NTNG1: variants seen among roughly 807,000 people sequenced by gnomAD.
NTNG1 encodes the protein netrin-G1.
Under a neutral mutation model 54.0 loss-of-function variants are expected in NTNG1, and 16 were observed. That is an observed-to-expected ratio of 0.30 (90% CI 0.20 to 0.45). The LOEUF (loss-of-function observed/expected upper bound fraction) is 0.45. Ranked by LOEUF, NTNG1 falls within the 20% of genes least tolerant of loss-of-function variation. The pLI, the probability that NTNG1 is intolerant of heterozygous loss-of-function variation, is 1.00. For synonymous variants in NTNG1, 255 were observed against 263.1 expected (o/e 0.97, Z 0.30); for missense variants, 530 against 678.7 (o/e 0.78, Z 2.43).
chr1:107,371,122 T>C (rs943931511), intron 3 of NTNG1, among the ~76,000 whole-genome samples: 1 of 152,092 alleles, frequency 6.6e-6, no homozygotes, highest in African/African-American at 2.4e-5. Context: ...TTTATCATTC[T>C]GAGGAAGTTT....
chr1:107,210,978 C>G (rs1659562104), intron 2 of NTNG1, among the ~76,000 whole-genome samples: 1 of 152,206 alleles, frequency 6.6e-6, no homozygotes, highest in Non-Finnish European at 1.5e-5. Context: ...TGCCTTCCTT[C>G]TCCATACTCT....
At chr1:107,209,831 C>T (rs1431208730) in intron 2 of NTNG1, among the ~76,000 whole-genome samples, 1 of 151,884 alleles carries the variant, frequency 6.6e-6, no homozygotes, top group African/African-American at 2.4e-5. Flanking sequence ...AACAGGTGTC[C>T]CTAGATCAGG....
intron 2 of NTNG1, among the ~76,000 whole-genome samples, chr1:107,176,140 AT>A (rs1377047153): frequency 6.6e-6 from 1 of 152,208 alleles, no homozygotes; most frequent in Non-Finnish European, 1.5e-5. Context: ...TGATTATAAA[AT>A]AAAGTTTTGT....
At chr1:107,380,186 ATCTC>A (rs2101029298) in intron 3 of NTNG1, among the ~76,000 whole-genome samples, 1 of 152,290 alleles carries the variant, frequency 6.6e-6, no homozygotes, top group East Asian at 1.9e-4. Context: ...ACCCTAATTA[ATCTC>A]TCTTTTTTTT....
In NTNG1 at chr1:107,369,498, A is replaced by G. The variant is rs529403271; in HGVS notation, c.888-25656A>G. 9.2e-5 allele frequency among the ~76,000 whole-genome samples: 14 copies of G among 152,176 alleles called. 1 individual carries two copies. In the East Asian group the frequency reaches 1.9e-3, roughly 21 times the overall value. ...TTTAATTGGCACTTTACTAATAACT[A>G]ATTGCATTGAACATCTTTCATTTGC... On this transcript the variant is annotated intron_variant, in intron 3 of 7. Coordinates refer to ENST00000370068, the MANE Select transcript of NTNG1 (RefSeq NM_001113226.3).
At chr1:107,170,526 G>A (rs886626148) in intron 2 of NTNG1, among the ~76,000 whole-genome samples, 5 of 151,972 alleles carry the variant, frequency 3.3e-5, no homozygotes, top group African/African-American at 1.2e-4. Flanking sequence ...GATGATACTG[G>A]TAAAAGAAAA....
chr1:107,293,633 C>G (rs1048583329), intron 2 of NTNG1, among the ~76,000 whole-genome samples: 1 of 152,156 alleles, frequency 6.6e-6, no homozygotes, highest in African/African-American at 2.4e-5. Flanking sequence ...TCTGCCTTCT[C>G]TAAGCTCTAA....
chr1:107,225,196 G>A (rs911874016), intron 2 of NTNG1, among the ~76,000 whole-genome samples: 2 of 152,080 alleles, frequency 1.3e-5, no homozygotes, highest in African/African-American at 4.8e-5. Flanking sequence ...AGAAGAATTA[G>A]CAATTTTCCT....
intron 2 of NTNG1, among the ~76,000 whole-genome samples, chr1:107,162,440 C>A (rs1196210953): frequency 6.6e-6 from 1 of 152,084 alleles, no homozygotes; most frequent in East Asian, 1.9e-4. Context: ...ATGGTAACCA[C>A]AATTAACTTA....
At chr1:107,230,118 C>T (rs1035750496) in intron 2 of NTNG1, among the ~76,000 whole-genome samples, 1 of 152,024 alleles carries the variant, frequency 6.6e-6, no homozygotes, top group African/African-American at 2.4e-5. Flanking sequence ...ATATTGGGAC[C>T]TACTCAAAAA....
chr1:107,438,362 GC>G (rs996678910), intron 7 of NTNG1, among the ~76,000 whole-genome samples: 10 of 152,172 alleles, frequency 6.6e-5, no homozygotes, highest in Non-Finnish European at 1.5e-5. Flanking sequence ...TCTAGATAAA[GC>G]CATGGTTTAA....
At chr1:107,409,778 A>C (rs1263758062) in intron 5 of NTNG1, 1 of 152,170 alleles carries the variant, frequency 6.6e-6, no homozygotes, top group Non-Finnish European at 1.5e-5. Context: ...GAGGTCACCC[A>C]ACATCACACA....
chr1:107,184,681 A>G (rs928883420), intron 2 of NTNG1, among the ~76,000 whole-genome samples: 1 of 152,130 alleles, frequency 6.6e-6, no homozygotes, highest in Non-Finnish European at 1.5e-5. Context: ...TGAAGCTGCC[A>G]TGGACCATCA....
intron 2 of NTNG1, among the ~76,000 whole-genome samples, chr1:107,189,668 C>G (rs1303182832): frequency 6.6e-6 from 1 of 151,726 alleles, no homozygotes; most frequent in Non-Finnish European, 1.5e-5. Flanking sequence ...ATGTATAAAC[C>G]ATCAGTTGCC....
At chr1:107,400,206 C>T (rs1672934165) in intron 4 of NTNG1, among the ~76,000 whole-genome samples, 1 of 152,114 alleles carries the variant, frequency 6.6e-6, no homozygotes, top group African/African-American at 2.4e-5. Flanking sequence ...AAATTCTGCT[C>T]ATTTTTCAAG....
rs371441460 is a variant in NTNG1 at position 107,430,867 on chromosome 1, G to T, written c.1205G>T (p.Gly402Val). 6 of 1,613,094 alleles carry T rather than the reference G, an allele frequency of 3.7e-6. No individual in the cohort carries two copies. The African/African-American group carries it at 8.0e-5, about 22-fold the overall frequency. Reference sequence around the variant, plus strand: ...CAGCACTGTGAGTTATGCAGGCTGGGCTACTTCAGAAATGCTTCTGCACAA... The same window carrying T: ...CAGCACTGTGAGTTATGCAGGCTGGTCTACTTCAGAAATGCTTCTGCACAA... ...RGQHCELCRL[G>V]YFRNASAQLD... is the part of the protein sequence containing the mutation. The change falls in exon 6 of 8, where the codon GGC (glycine) becomes GTC (valine). Residue 402 changes from glycine (G) to valine (V), a missense_variant. By Grantham distance (109) the Gly-to-Val change is moderately radical (BLOSUM62 -3). Coordinates refer to ENST00000370068, the MANE Select transcript of NTNG1 (RefSeq NM_001113226.3).
At chr1:107,206,021 C>G (rs1017996804) in intron 2 of NTNG1, among the ~76,000 whole-genome samples, 1 of 152,098 alleles carries the variant, frequency 6.6e-6, no homozygotes, top group Non-Finnish European at 1.5e-5. Context: ...TCTGTCCATT[C>G]TAAAGTGTAT....
intron 2 of NTNG1, among the ~76,000 whole-genome samples, chr1:107,174,894 T>TTGAATGAATGAATGGA (rs1024466609): frequency 6.8e-4 from 104 of 152,132 alleles, no homozygotes; most frequent in African/African-American, 2.5e-3. Context: ...TAATGACTGG[T>TTGAATGAATGAATGGA]TGAATGAATG....
intron 3 of NTNG1, among the ~76,000 whole-genome samples, chr1:107,334,704 G>C (rs1383306113): frequency 6.6e-6 from 1 of 151,946 alleles, no homozygotes; most frequent in Non-Finnish European, 1.5e-5. Flanking sequence ...TGACACTGTT[G>C]CATAACTAGA....
Sources: allele counts gnomAD v4.1 joint callset (sites outside exome capture counted in the v4.1 genomes callset), GRCh38; gene constraint gnomAD v4.1.1; transcripts MANE v1.5; gene names NCBI Gene and HGNC (gene_info 2026-07-23, HGNC 2026-07-21).